IQCM: variants seen among roughly 807,000 people sequenced by gnomAD.
IQCM encodes IQ motif containing M.
In IQCM, 45 loss-of-function variants were observed where a neutral mutation model predicts 57.6. That is an observed-to-expected ratio of 0.78 (90% confidence interval 0.62 to 1.00). The LOEUF (loss-of-function observed/expected upper bound fraction) is 1.00. IQCM is among the 50% of genes least tolerant of loss of function. The pLI, the probability that IQCM is intolerant of heterozygous loss-of-function variation, is 0.00. For missense variants in IQCM, 468 were observed against 511.6 expected (o/e 0.91, Z 0.82); for synonymous variants, 148 against 158.9 (o/e 0.93, Z 0.51).
chr4:149,554,503 G>A (rs1478848427), intron 10 of IQCM, among the ~76,000 whole-genome samples: 1 of 151,622 alleles, frequency 6.6e-6, no homozygotes, highest in East Asian at 2.0e-4. Context: ...TTTTGTAGAG[G>A]TGGAGTTTCA....
intron 6 of IQCM, among the ~76,000 whole-genome samples, chr4:149,683,740 T>C (rs1030292417): frequency 6.6e-6 from 1 of 151,366 alleles, no homozygotes; most frequent in Non-Finnish European, 1.5e-5. Context: ...TTATGTATTT[T>C]CAATTGTTCC....
chr4:149,431,936 T>C (rs1734905942), intron 13 of IQCM, among the ~76,000 whole-genome samples: 1 of 150,872 alleles, frequency 6.6e-6, no homozygotes, highest in Non-Finnish European at 1.5e-5. Flanking sequence ...GTTGATTATA[T>C]ATATATATAT....
At chr4:149,485,505 G>A (rs1300947204) in intron 12 of IQCM, among the ~76,000 whole-genome samples, 1 of 151,550 alleles carries the variant, frequency 6.6e-6, no homozygotes, top group African/African-American at 2.4e-5. Context: ...AAGAGACTCT[G>A]ATTCATTCTT....
intron 13 of IQCM, among the ~76,000 whole-genome samples, chr4:149,416,407 A>G (rs924793910): frequency 4.6e-5 from 7 of 152,114 alleles, no homozygotes; most frequent in Admixed American, 4.6e-4. Flanking sequence ...ATAAAAGGTT[A>G]TTAGGTGAGT....
chr4:149,581,806 A>G (rs1451953143), intron 9 of IQCM, among the ~76,000 whole-genome samples: 5 of 151,518 alleles, frequency 3.3e-5, no homozygotes, highest in African/African-American at 1.2e-4. Flanking sequence ...GGCACCTCCT[A>G]TTCTTTGGAG....
intron 13 of IQCM, among the ~76,000 whole-genome samples, chr4:149,414,875 A>G (rs1733634243): frequency 6.6e-6 from 1 of 152,084 alleles, no homozygotes; most frequent in Admixed American, 6.5e-5. Flanking sequence ...AGTCACAGAG[A>G]AAAAATATCA....
chr4:149,354,561 C>T (rs1322998305), intron 13 of IQCM, among the ~76,000 whole-genome samples: 1 of 151,708 alleles, frequency 6.6e-6, no homozygotes, highest in Non-Finnish European at 1.5e-5. Flanking sequence ...GGATTAAGTG[C>T]TTTCCTATTA....
intron 12 of IQCM, among the ~76,000 whole-genome samples, chr4:149,457,664 T>C (rs1737842130): frequency 6.6e-6 from 1 of 152,026 alleles, no homozygotes; most frequent in Non-Finnish European, 1.5e-5. Context: ...ATGATCAAAA[T>C]ATAGAAAGTT....
intron 7 of IQCM, among the ~76,000 whole-genome samples, chr4:149,663,364 A>T (rs1327339595): frequency 6.6e-6 from 1 of 151,856 alleles, no homozygotes; most frequent in African/African-American, 2.4e-5. Flanking sequence ...TCTGAGCTTG[A>T]TTATGTATTT....
At chr4:149,762,057 T>C (rs1769573643) in intron 2 of IQCM, among the ~76,000 whole-genome samples, 2 of 152,038 alleles carry the variant, frequency 1.3e-5, no homozygotes, top group Admixed American at 6.6e-5. Flanking sequence ...GAAGAATTTA[T>C]CTCCATTGAC....
intron 2 of IQCM, among the ~76,000 whole-genome samples, chr4:149,804,073 T>C (rs1580340740): frequency 1.3e-5 from 2 of 151,738 alleles, no homozygotes; most frequent in South Asian, 4.1e-4. Flanking sequence ...GAGGCTGGAG[T>C]TGAGTATTTC....
Position 149,694,359 on chromosome 4 carries a change from G to A in IQCM, c.386-7891C>T, listed in dbSNP as rs867889767. 1.8e-3 allele frequency among the ~76,000 whole-genome samples: 276 copies of A among 149,944 alleles called. 2 individuals are homozygous for A. Among genetic ancestry groups the A allele is most frequent in the Admixed American group, 3.5e-3 (53 of 15,132 alleles). ...CCTGCCTCAGCCTCCCAAGTAGCTG[G>A]GACTACAGGCGCCCGCCACTACGCC... On this transcript the variant is annotated intron_variant, in intron 5 of 13. Coordinates refer to ENST00000636793, the MANE Select transcript of IQCM (RefSeq NM_001363507.2).
At chr4:149,615,037 C>T (rs918951509) in intron 8 of IQCM, among the ~76,000 whole-genome samples, 1 of 152,096 alleles carries the variant, frequency 6.6e-6, no homozygotes, top group Non-Finnish European at 1.5e-5. Flanking sequence ...CAAATTTCTG[C>T]CAATATTTGT....
chr4:149,639,569 T>C (rs1407999137), intron 7 of IQCM, among the ~76,000 whole-genome samples: 1 of 152,156 alleles, frequency 6.6e-6, no homozygotes, highest in Non-Finnish European at 1.5e-5. Flanking sequence ...ATTTGAGTCA[T>C]ATTCCTGAAA....
rs138193844 is a variant in IQCM, at chr4:149,769,821, C to T, written c.-48-27082G>A. 4.7e-3 allele frequency among the ~76,000 whole-genome samples: 714 copies of T among 151,914 alleles called. 4 individuals are homozygous for T. The highest frequency in any genetic ancestry group is 0.016 in the African/African-American group (664 of 41,482). ...CCTAATAAAACTGCAAAGAGAAATA[C>T]GCAAATCTACAATTATGGTTGGAAA... On this transcript the variant is annotated intron_variant, in intron 2 of 13. Coordinates refer to ENST00000636793, the MANE Select transcript of IQCM (RefSeq NM_001363507.2).
intron 13 of IQCM, among the ~76,000 whole-genome samples, chr4:149,407,527 C>T (rs933511608): frequency 6.6e-6 from 1 of 152,012 alleles, no homozygotes; most frequent in Non-Finnish European, 1.5e-5. Context: ...TGTCCATGTA[C>T]CCATTGATTA....
Position 149,592,756 on chromosome 4 carries a change from C to A in IQCM, c.682-4759G>T, listed in dbSNP as rs554266927. Among the ~76,000 whole-genome samples the A allele has an allele frequency of 9.9e-5, 15 of 152,184 alleles. No individual in the cohort carries two copies. In the South Asian group the frequency reaches 3.1e-3, roughly 32 times the overall value. ...TGTTTTTGTCAGGTTTGTCAAAGAT[C>A]AGATGGTTGTAGATGGGTGGTATTA... On this transcript the variant is annotated intron_variant, in intron 8 of 13. Coordinates refer to ENST00000636793, the MANE Select transcript of IQCM (RefSeq NM_001363507.2).
intron 13 of IQCM, among the ~76,000 whole-genome samples, chr4:149,380,210 G>A (rs962139273): frequency 6.6e-6 from 1 of 151,622 alleles, no homozygotes; most frequent in Non-Finnish European, 1.5e-5. Flanking sequence ...CATGCATAAT[G>A]AATGTGCTCG....
intron 12 of IQCM, among the ~76,000 whole-genome samples, chr4:149,455,553 G>A (rs1737607155): frequency 6.6e-6 from 1 of 152,102 alleles, no homozygotes; most frequent in African/African-American, 2.4e-5. Context: ...ATAGCAGAGT[G>A]CTATTCCTTT....
Sources: gnomAD v4.1 joint callset for allele counts (sites outside exome capture counted in the v4.1 genomes callset) on GRCh38, gnomAD v4.1.1 for gene constraint, MANE v1.5 for transcripts, NCBI Gene and HGNC (gene_info 2026-07-23, HGNC 2026-07-21) for gene names.